The following DPYSL3 variants were observed in gnomAD, a reference collection of about 807,000 sequenced individuals.
DPYSL3 encodes the protein dihydropyrimidinase-related protein 3.
Under a neutral mutation model 66.1 loss-of-function variants are expected in DPYSL3, and 16 were observed. That is an observed-to-expected ratio of 0.24 (90% CI 0.16 to 0.37). The LOEUF is 0.37. DPYSL3 is among the 10% of genes least tolerant of loss of function. The pLI is 1.00. For synonymous variants in DPYSL3, 338 were observed against 345.1 expected, an observed-to-expected ratio of 0.98 and a Z score of 0.23; for missense variants, 738 against 916.2, an observed-to-expected ratio of 0.81 and a Z score of 2.51.
At chr5:147,402,469 T>C (rs1220435005) in intron 8 of DPYSL3, among the ~76,000 whole-genome samples, 1 of 145,460 alleles carries the variant, frequency 6.9e-6, no homozygotes, top group African/African-American at 2.8e-5. Context: ...TGCCTCAGCC[T>C]CCCGAGTAGC....
At chr5:147,470,814 A>C (rs1753075519) in intron 1 of DPYSL3, among the ~76,000 whole-genome samples, 1 of 151,838 alleles carries the variant, frequency 6.6e-6, no homozygotes, top group African/African-American at 2.4e-5. Flanking sequence ...ATCCTTTAAC[A>C]CTCAGCTCAG....
chr5:147,464,339 C>T (rs1394295042), intron 1 of DPYSL3, among the ~76,000 whole-genome samples: 3 of 152,194 alleles, frequency 2.0e-5, no homozygotes, highest in Non-Finnish European at 4.4e-5. Flanking sequence ...TCGAAATACA[C>T]GCTTTCCACT....
chr5:147,452,412 G>T (rs2126396070), intron 1 of DPYSL3, among the ~76,000 whole-genome samples: 1 of 151,470 alleles, frequency 6.6e-6, no homozygotes, highest in South Asian at 2.1e-4. Flanking sequence ...AGCTTGCAAA[G>T]ATGGAGTAGC....
Position 147,467,138 on chromosome 5 carries a change from A to G in DPYSL3, c.382-42175T>C, listed in dbSNP as rs185543668. Among the ~76,000 whole-genome samples the G allele has an allele frequency of 1.9e-3, 284 of 152,282 alleles. 1 individual carries two copies. Among genetic ancestry groups the G allele is most frequent in the African/African-American group, 6.2e-3 (257 of 41,546 alleles). On this transcript the variant is annotated intron_variant, in intron 1 of 13. Transcript: ENST00000343218. ...GCACTTATTTTTTCACTGGAGACAT[A>G]AACATAAGAGGCAAAAAACAGAAAT...
intron 1 of DPYSL3, among the ~76,000 whole-genome samples, chr5:147,462,779 C>T (rs1752952686): frequency 6.6e-6 from 1 of 152,010 alleles, no homozygotes; most frequent in Non-Finnish European, 1.5e-5. Context: ...TTCAATGACT[C>T]CTATGTTATT....
At chr5:147,500,972 A>G (rs962751200) in intron 1 of DPYSL3, among the ~76,000 whole-genome samples, 1 of 152,222 alleles carries the variant, frequency 6.6e-6, no homozygotes, top group Non-Finnish European at 1.5e-5. Flanking sequence ...CTTGGTATTT[A>G]CCTAAATGAA....
At chr5:147,429,110 A>G (rs761136196) in intron 1 of DPYSL3, among the ~76,000 whole-genome samples, 2 of 152,126 alleles carry the variant, frequency 1.3e-5, no homozygotes, top group Non-Finnish European at 2.9e-5. Context: ...CAATCTTTCT[A>G]ATGTAATTAT....
intron 1 of DPYSL3, among the ~76,000 whole-genome samples, chr5:147,461,367 T>C (rs1314745535): frequency 2.0e-5 from 3 of 152,180 alleles, no homozygotes; most frequent in African/African-American, 7.2e-5. Flanking sequence ...TTGTGCCCTA[T>C]GTAAATCAGA....
chr5:147,408,827 T>C (rs138159383), intron 6 of DPYSL3, 31 bp from the exon 7 acceptor site: 4 of 1,612,436 alleles, frequency 2.5e-6, no homozygotes, highest in Non-Finnish European at 3.4e-6. Flanking sequence ...AGTTCTTCAA[T>C]AAGCTCAAGT....
chr5:147,443,676 A>C (rs1752576574), intron 1 of DPYSL3, among the ~76,000 whole-genome samples: 1 of 152,080 alleles, frequency 6.6e-6, no homozygotes, highest in Non-Finnish European at 1.5e-5. Context: ...AGCCATAGTA[A>C]GTCAAACCTC....
intron 1 of DPYSL3, among the ~76,000 whole-genome samples, chr5:147,485,163 C>T (rs909689994): frequency 6.6e-6 from 1 of 152,198 alleles, no homozygotes; most frequent in Non-Finnish European, 1.5e-5. Context: ...GCTGAAGGAA[C>T]AGAAGAAAAC....
intron 1 of DPYSL3, among the ~76,000 whole-genome samples, chr5:147,449,365 T>A (rs1177317385): frequency 6.6e-6 from 1 of 152,206 alleles, no homozygotes; most frequent in Non-Finnish European, 1.5e-5. Context: ...TATTCCTAAC[T>A]GGGGATACGT....
rs200874080 is a variant in DPYSL3, at chr5:147,397,701, C to G, written c.1768G>C (p.Asp590His). The G allele has an allele frequency of 1.5e-4, 239 of 1,613,980 alleles. 1 individual carries two copies. Among genetic ancestry groups the G allele is most frequent in the Non-Finnish European group, 1.7e-4 (204 of 1,180,026 alleles). The part of the protein sequence containing the change: ...GRFIPCSPFS[D>H]YVYKRIKARR... The stretch of plus-strand genomic sequence containing the variant: ...GCTTTAATGCGCTTGTAGACATAGT[C>G]GGAGAACGGGCTGCAGGGTATGAAG... Residue 590 changes from aspartate (D) to histidine (H), a missense_variant, in exon 12 of 14, where the codon GAC (aspartate) becomes CAC (histidine). By Grantham distance (81) the Asp-to-His change is moderately conservative. Transcript: ENST00000343218.
chr5:147,425,991 T>A (rs1752189835), intron 1 of DPYSL3, among the ~76,000 whole-genome samples: 1 of 151,178 alleles, frequency 6.6e-6, no homozygotes, highest in African/African-American at 2.4e-5. Flanking sequence ...CAAAGATATT[T>A]CAACTCCAAC....
At chr5:147,454,458 C>A (rs1581203863) in intron 1 of DPYSL3, among the ~76,000 whole-genome samples, 1 of 152,204 alleles carries the variant, frequency 6.6e-6, no homozygotes, top group Non-Finnish European at 1.5e-5. Context: ...GCAAGGGGCA[C>A]GGTAGCAGTG....
intron 7 of DPYSL3, among the ~76,000 whole-genome samples, chr5:147,407,818 A>G (rs1176582829): frequency 2.0e-5 from 3 of 152,054 alleles, no homozygotes; most frequent in Non-Finnish European, 4.4e-5. Context: ...GATACAAAGG[A>G]GTTTCTGAGG....
At chr5:147,442,818 T>A (rs911201254) in intron 1 of DPYSL3, among the ~76,000 whole-genome samples, 23 of 148,498 alleles carry the variant, frequency 1.5e-4, no homozygotes, top group African/African-American at 5.5e-4. Context: ...ATATGTGGAA[T>A]CATTTTAATA....
intron 1 of DPYSL3, among the ~76,000 whole-genome samples, chr5:147,430,408 G>A (rs937246433): frequency 2.0e-5 from 3 of 151,734 alleles, no homozygotes; most frequent in Admixed American, 6.6e-5. Flanking sequence ...TACTTGGGAG[G>A]TTGAGGCAGG....
chr5:147,418,608 A>G lies in DPYSL3; in HGVS notation c.494T>C (p.Val165Ala), dbSNP rs1752019973. The G allele has an allele frequency of 6.3e-7, 1 of 1,589,964 alleles. No homozygotes were observed. Among genetic ancestry groups the G allele is most frequent in the Non-Finnish European group, 8.6e-7 (1 of 1,164,776 alleles). Residue 165 changes from valine (V) to alanine (A), a missense_variant, in exon 3 of 14, where the codon GTT (valine) becomes GCT (alanine). Val to Ala is a moderately conservative substitution (Grantham distance 64). Transcript: ENST00000343218. Reference protein sequence around the residue: ...LIKQIGDNLIVPGGVKTIEAN... With the variant: ...LIKQIGDNLIAPGGVKTIEAN... The stretch of plus-strand genomic sequence containing the variant: ...TTCAATGGTCTTCACTCCTCCAGGA[A>G]CAATCAGATTGTCTCCAATTTGTCT...
Sources: allele counts gnomAD v4.1 joint callset (sites outside exome capture counted in the v4.1 genomes callset), GRCh38; gene constraint gnomAD v4.1.1; transcripts MANE v1.5; gene names NCBI Gene and HGNC (gene_info 2026-07-23, HGNC 2026-07-21).